MYH2: variants seen among roughly 807,000 people sequenced by gnomAD.
MYH2 encodes myosin-2.
In MYH2, 139 loss-of-function variants were observed where a neutral mutation model predicts 228.1. That is an observed-to-expected ratio of 0.61 (90% CI 0.53 to 0.70). MYH2 has a LOEUF of 0.70. Among genes scored for constraint, MYH2 ranks in the 30% least tolerant of loss-of-function variants. The pLI, the probability that MYH2 is intolerant of heterozygous loss-of-function variation, is 0.00. For synonymous variants in MYH2, 796 were observed against 871.1 expected (o/e 0.91, Z 1.52); for missense variants, 1,809 against 2,357.5 (o/e 0.77, Z 4.82).
In MYH2 at chr17:10,535,190, C is replaced by A. The variant is rs1175975225; in HGVS notation, c.2063G>T (p.Gly688Val). Residue 688 changes from glycine to valine, a missense_variant and splice_region_variant, in exon 19 of 40, where the codon GGT becomes GTT. By Grantham distance (109) the Gly-to-Val change is moderately radical. Coordinates refer to ENST00000245503, the MANE Select transcript of MYH2 (RefSeq NM_017534.6). Reference sequence around the variant, plus strand: ...GAGGACAAGCTCATGCTCCATGGCACCTAAAAATGCATATTTATTTCACTG... The same window carrying A: ...GAGGACAAGCTCATGCTCCATGGCAACTAAAAATGCATATTTATTTCACTG... ...CIIPNETKTP[G>V]AMEHELVLHQ... 1 of 1,613,944 alleles carries A rather than the reference C, an allele frequency of 6.2e-7. No individual in the cohort carries two copies. The highest frequency in any genetic ancestry group is 8.5e-7 in the Non-Finnish European group (1 of 1,180,008).
intron 17 of MYH2, among the ~76,000 whole-genome samples, 186 bp downstream of exon 17, chr17:10,536,344 C>T (rs376433090): frequency 2.0e-5 from 3 of 151,932 alleles, no homozygotes; most frequent in East Asian, 1.9e-4. Flanking sequence ...AAAGAAAAGA[C>T]GAGGGGAATT....
rs763527495 is a variant in MYH2, at chr17:10,533,646, T to C, written c.2181-14A>G. 7 of 1,613,798 alleles carry C rather than the reference T, an allele frequency of 4.3e-6. No homozygotes were observed. The South Asian group carries it at 6.6e-5, about 15-fold the overall frequency. ...AATACCTTGTATCTGTTGAAGTACA[T>C]ATAGCTTTTAACAACTAGTTTACTG... On this transcript the variant is annotated splice_polypyrimidine_tract_variant and intron_variant, in intron 19 of 39. Transcript: ENST00000245503.
intron 38 of MYH2, 57 bp downstream of exon 38, chr17:10,523,250 AT>A: frequency 6.2e-7 from 1 of 1,605,288 alleles, no homozygotes; most frequent in African/African-American, 1.3e-5. Context: ...ATCATTGCAT[AT>A]GAGTATTTCA....
rs2073444916 is a variant in MYH2, at chr17:10,533,286, T to G, written c.2440A>C (p.Arg814=). ...RVEYQRMVER[R]EAIFCIQYNI... ...TGTGAATAAACATATTTTTTATACC[T>G]TCTCTCCACCATCCTCTGGTACTCC... The change falls in exon 21 of 40, where the codon AGG becomes CGG. Residue 814 remains arginine, a splice_region_variant and synonymous_variant. Coordinates refer to ENST00000245503, the MANE Select transcript of MYH2 (RefSeq NM_017534.6). 1.2e-6 allele frequency: 2 copies of G among 1,614,060 alleles called. No homozygotes were observed. The highest frequency in any genetic ancestry group is 3.3e-5 in the Admixed American group (2 of 60,002).
At position 10,526,009 on chromosome 17, in the gene MYH2, T is replaced by C. The variant is rs984705636; in HGVS notation, c.4188-133A>G. On this transcript the variant is annotated intron_variant, in intron 30 of 39. Transcript: ENST00000245503. ...CCACCTTTCATTCTTTCAACAAATA[T>C]TGATGAGCCCCTTTTATGAACCAGA... 12 of 1,038,588 alleles carry C rather than the reference T, an allele frequency of 1.2e-5. No individual in the cohort carries two copies. In the South Asian group the frequency reaches 1.2e-4, roughly 10 times the overall value. 64.3% of individuals were successfully genotyped at this position (1,038,588 alleles called of 1,614,324 possible). A position where few individuals can be genotyped will look rare whatever the true frequency, so the allele number is the denominator to read the frequency against.
intron 4 of MYH2, 118 bp from the exon 5 acceptor site, chr17:10,545,620 A>G: frequency 7.3e-7 from 1 of 1,372,928 alleles, no homozygotes; most frequent in South Asian, 1.2e-5. Flanking sequence ...GCTGGAGTGC[A>G]GTGGTGCTAC....
chr17:10,532,075 T>C (rs2073431690), intron 21 of MYH2, among the ~76,000 whole-genome samples, 187 bp from the exon 22 acceptor site: 1 of 152,202 alleles, frequency 6.6e-6, no homozygotes, highest in African/African-American at 2.4e-5. Flanking sequence ...ACATCACTGC[T>C]TCTCAAACTT....
rs1216790883 is a variant in MYH2, at chr17:10,537,967, G to T, written c.1417-132C>A. The T allele has an allele frequency of 1.3e-6, 2 of 1,486,188 alleles. No homozygotes were observed. Among genetic ancestry groups the T allele is most frequent in the Middle Eastern group, 2.1e-4 (1 of 4,698 alleles). 92.1% of individuals were successfully genotyped at this position (1,486,188 alleles called of 1,614,324 possible). On this transcript the variant is annotated intron_variant, in intron 14 of 39. Transcript: ENST00000245503. This position sits in a 1 kb window ranked among gnomAD's most constrained non-coding sequence, Gnocchi z 4.0. ...GATATTAAAATCACTGGGTTAAAGAGACTTTGAAATAAAAGGTGAAAAGTA... is the reference window on the plus strand; with the variant it reads ...GATATTAAAATCACTGGGTTAAAGATACTTTGAAATAAAAGGTGAAAAGTA...
At position 10,525,978 on chromosome 17, in the gene MYH2, G is replaced by A; in HGVS notation, c.4188-102C>T. ...GTGTTAGAAACTTCACATTAATGCTGCCCAGCCACCTTTCATTCTTTCAAC... is the reference window on the plus strand; with the variant it reads ...GTGTTAGAAACTTCACATTAATGCTACCCAGCCACCTTTCATTCTTTCAAC... On this transcript the variant is annotated intron_variant, in intron 30 of 39. Transcript: ENST00000245503. This position sits in a 1 kb window ranked among gnomAD's most constrained non-coding sequence, Gnocchi z 4.2. 7.8e-7 allele frequency: 1 copy of A among 1,286,584 alleles called. No homozygotes were observed. Among genetic ancestry groups the A allele is most frequent in the Non-Finnish European group, 1.1e-6 (1 of 919,100 alleles). 79.7% of individuals were successfully genotyped at this position (1,286,584 alleles called of 1,614,324 possible).
chr17:10,534,966 T>C, intron 19 of MYH2, 107 bp downstream of exon 19: 1 of 1,332,284 alleles, frequency 7.5e-7, no homozygotes, highest in East Asian at 2.3e-5. Context: ...TACTTCTTTT[T>C]GTGACAAAAC....
At chr17:10,541,157 A>T (rs1216971065) in intron 10 of MYH2, among the ~76,000 whole-genome samples, 1 of 152,194 alleles carries the variant, frequency 6.6e-6, no homozygotes, top group Non-Finnish European at 1.5e-5. Flanking sequence ...AAAGAACAGG[A>T]TAACAGCGGT....
Position 10,525,074 on chromosome 17 carries a change from C to T in MYH2, c.4663-9G>A. 6.2e-7 allele frequency: 1 copy of T among 1,614,096 alleles called. No homozygotes were observed. Among genetic ancestry groups the T allele is most frequent in the Middle Eastern group, 1.6e-4 (1 of 6,062 alleles). ...TCATGTTCAAGAGATGCCTTAATGA[C>T]AGCAAGAGGTGACATTAGCAAGGAA... On this transcript the variant is annotated splice_polypyrimidine_tract_variant and intron_variant, in intron 33 of 39. Transcript: ENST00000245503. This position sits in a 1 kb window ranked among gnomAD's most constrained non-coding sequence, Gnocchi z 4.2.
chr17:10,541,202 G>C (rs996268424), intron 10 of MYH2, among the ~76,000 whole-genome samples: 6 of 152,196 alleles, frequency 3.9e-5, no homozygotes, highest in Non-Finnish European at 8.8e-5. Context: ...ATTAGGTCTG[G>C]CTGCCTGAGA....
intron 17 of MYH2, 125 bp from the exon 18 acceptor site, chr17:10,535,490 G>T: frequency 1.2e-6 from 1 of 805,672 alleles, no homozygotes; most frequent in Non-Finnish European, 2.1e-6. Context: ...TTCATATAAG[G>T]CAACACTTTG....
intron 28 of MYH2, 43 bp downstream of exon 28, chr17:10,527,705 C>T (rs1036603691): frequency 1.2e-6 from 2 of 1,613,126 alleles, no homozygotes; most frequent in East Asian, 2.2e-5. Flanking sequence ...TTCTTAATCA[C>T]ATCCTCTCCA....
intron 14 of MYH2, among the ~76,000 whole-genome samples, chr17:10,538,963 T>C (rs1195701711): frequency 6.6e-6 from 1 of 152,206 alleles, no homozygotes. Context: ...TCAATCCCAC[T>C]GTACTAAGCT....
At position 10,525,017 on chromosome 17, in the gene MYH2, A is replaced by C. The variant is rs780401682; in HGVS notation, c.4711T>G (p.Leu1571Val). 3.7e-6 allele frequency: 6 copies of C among 1,614,096 alleles called. No homozygotes were observed. The South Asian group carries it at 6.6e-5, about 18-fold the overall frequency. ...EGKILRIQLE[L>V]NQVKSEVDRK... Reference sequence around the variant, plus strand: ...TCAACCTCAGACTTGACTTGGTTCAACTCAAGCTGGATGCGCAGGATCTTT... The same window carrying C: ...TCAACCTCAGACTTGACTTGGTTCACCTCAAGCTGGATGCGCAGGATCTTT... Residue 1571 changes from leucine to valine, a missense_variant, in exon 34 of 40, where the codon TTG becomes GTG. Physicochemically the swap from Leu to Val is conservative, Grantham distance 32. Coordinates refer to ENST00000245503, the MANE Select transcript of MYH2 (RefSeq NM_017534.6). This position sits in a 1 kb window ranked among gnomAD's most constrained non-coding sequence, Gnocchi z 4.2.
intron 11 of MYH2, 24 bp downstream of exon 11, chr17:10,540,570 C>G: frequency 1.3e-6 from 2 of 1,552,774 alleles, no homozygotes; most frequent in Non-Finnish European, 1.8e-6. Context: ...CATAATAATT[C>G]CAATTTTCTT....
chr17:10,525,100 C>T lies in MYH2; in HGVS notation c.4663-35G>A. Reference sequence around the variant, plus strand: ...AGCAAGAGGTGACATTAGCAAGGAACCAAAAGCTTTATGAAGTTTTTCTGC... The same window carrying T: ...AGCAAGAGGTGACATTAGCAAGGAATCAAAAGCTTTATGAAGTTTTTCTGC... On this transcript the variant is annotated intron_variant, in intron 33 of 39. Coordinates refer to ENST00000245503, the MANE Select transcript of MYH2 (RefSeq NM_017534.6). This position sits in a 1 kb window ranked among gnomAD's most constrained non-coding sequence, Gnocchi z 4.2. 6.2e-7 allele frequency: 1 copy of T among 1,614,096 alleles called. No homozygotes were observed. The highest frequency in any genetic ancestry group is 1.3e-5 in the African/African-American group (1 of 75,030).
Sources: gnomAD v4.1 joint callset for allele counts (sites outside exome capture counted in the v4.1 genomes callset) on GRCh38, gnomAD v4.1.1 for gene constraint, Gnocchi (gnomAD v3.1) non-coding constraint, MANE v1.5 for transcripts, NCBI Gene and HGNC (gene_info 2026-07-23, HGNC 2026-07-21) for gene names.